The following MDGA2 variants were observed in gnomAD, a reference collection of about 807,000 sequenced individuals.
MDGA2 encodes the protein MAM domain-containing glycosylphosphatidylinositol anchor protein 2.
In MDGA2, 40 loss-of-function variants were observed where a neutral mutation model predicts 117.8. The observed-to-expected ratio is 0.34, with a 90% CI of 0.26 to 0.44. MDGA2 has a LOEUF of 0.44. MDGA2 is among the 20% of genes least tolerant of loss of function. The pLI, the probability that MDGA2 is intolerant of heterozygous loss-of-function variation, is 1.00. For missense variants in MDGA2, 1,123 were observed against 1,250.6 expected, an observed-to-expected ratio of 0.90 and a Z score of 1.54; for synonymous variants, 452 against 439.0, an observed-to-expected ratio of 1.03 and a Z score of -0.37.
chr14:47,244,330 T>G (rs1216051875), intron 2 of MDGA2, among the ~76,000 whole-genome samples: 1 of 151,854 alleles, frequency 6.6e-6, no homozygotes, highest in African/African-American at 2.4e-5. Flanking sequence ...ATAAGTTATG[T>G]ACCCTCTGGA....
chr14:47,361,516 C>T (rs191955515), intron 1 of MDGA2, among the ~76,000 whole-genome samples: 1 of 152,226 alleles, frequency 6.6e-6, no homozygotes, highest in African/African-American at 2.4e-5. Flanking sequence ...ATTTAAAACT[C>T]TTAGTGCTGT....
At chr14:47,503,453 C>T (rs1282735994) in intron 1 of MDGA2, among the ~76,000 whole-genome samples, 3 of 141,450 alleles carry the variant, frequency 2.1e-5, no homozygotes, top group Non-Finnish European at 4.5e-5. Context: ...GATGGAGTCT[C>T]GCTCTGTTGC....
At chr14:47,175,296 TTA>T (rs1421783054) in intron 3 of MDGA2, among the ~76,000 whole-genome samples, 1 of 151,868 alleles carries the variant, frequency 6.6e-6, no homozygotes, top group Non-Finnish European at 1.5e-5. Flanking sequence ...CTAACTCATT[TTA>T]TGAGGCCAGC....
intron 2 of MDGA2, among the ~76,000 whole-genome samples, chr14:47,235,474 G>A (rs1468452945): frequency 3.3e-5 from 5 of 152,122 alleles, no homozygotes; most frequent in African/African-American, 4.8e-5. Context: ...AAACCTTTCT[G>A]TTCCTCACAA....
intron 1 of MDGA2, among the ~76,000 whole-genome samples, chr14:47,630,679 T>C (rs930556737): frequency 1.3e-5 from 2 of 152,192 alleles, no homozygotes; most frequent in African/African-American, 4.8e-5. Flanking sequence ...ATTATTATAA[T>C]AGTACAAAAG....
intron 10 of MDGA2, among the ~76,000 whole-genome samples, chr14:46,887,936 A>C (rs1882734058): frequency 6.6e-6 from 1 of 151,990 alleles, no homozygotes; most frequent in African/African-American, 2.4e-5. Context: ...ATAAGTTTAA[A>C]TAAGAGTTTA....
At chr14:47,535,147 G>GA (rs529560216) in intron 1 of MDGA2, among the ~76,000 whole-genome samples, 89 of 145,874 alleles carry the variant, frequency 6.1e-4, no homozygotes, top group South Asian at 2.0e-3. Flanking sequence ...CTAACAAAAT[G>GA]AAAAAAAAAA....
In MDGA2 at chr14:47,131,704, A is replaced by C. The variant is rs373114713; in HGVS notation, c.925+10T>G. On this transcript the variant is annotated intron_variant, in intron 5 of 16. Coordinates refer to ENST00000399232, the MANE Select transcript of MDGA2 (RefSeq NM_001113498.3). ...TAAGATACATGTAACATACAGAGAT[A>C]ATTCCATACCTGTTTTATTGGACAG... The C allele has an allele frequency of 4.0e-6, 6 of 1,492,982 alleles. No individual in the cohort carries two copies. The highest frequency in any genetic ancestry group is 5.4e-6 in the Non-Finnish European group (6 of 1,102,286). 92.5% of individuals were successfully genotyped at this position (1,492,982 alleles called of 1,614,324 possible). A position where few individuals can be genotyped will look rare whatever the true frequency, so the allele number is the denominator to read the frequency against.
chr14:47,522,097 CTTATT>C (rs1181616288), intron 1 of MDGA2, among the ~76,000 whole-genome samples: 1 of 152,060 alleles, frequency 6.6e-6, no homozygotes, highest in Admixed American at 6.6e-5. Context: ...TCTATTTCTC[CTTATT>C]TTAAATACTC....
chr14:47,237,406 G>A (rs1886900081), intron 2 of MDGA2, among the ~76,000 whole-genome samples: 1 of 152,036 alleles, frequency 6.6e-6, no homozygotes, highest in South Asian at 2.1e-4. Flanking sequence ...CTGAGACAAT[G>A]CAGTAGAAAT....
At chr14:47,025,586 C>T (rs1254838439) in intron 8 of MDGA2, among the ~76,000 whole-genome samples, 1 of 151,784 alleles carries the variant, frequency 6.6e-6, no homozygotes, top group African/African-American at 2.4e-5. Context: ...TTGGCAATGT[C>T]TGGAGACAGT....
At chr14:47,102,968 G>A (rs1880428106) in intron 5 of MDGA2, among the ~76,000 whole-genome samples, 1 of 152,158 alleles carries the variant, frequency 6.6e-6, no homozygotes, top group African/African-American at 2.4e-5. Context: ...GCTACATGGA[G>A]ACAATGTGTA....
At chr14:47,481,962 C>T (rs191153505) in intron 1 of MDGA2, among the ~76,000 whole-genome samples, 1 of 152,000 alleles carries the variant, frequency 6.6e-6, no homozygotes, top group Admixed American at 6.6e-5. Context: ...TTGTTACCCC[C>T]AATTCAGTAA....
chr14:47,547,959 G>A (rs1381938299), intron 1 of MDGA2, among the ~76,000 whole-genome samples: 3 of 151,854 alleles, frequency 2.0e-5, no homozygotes, highest in South Asian at 2.1e-4. Flanking sequence ...ATATAACTAT[G>A]TTCGCCCCTC....
intron 6 of MDGA2, among the ~76,000 whole-genome samples, chr14:47,083,321 C>T (rs1594601891): frequency 6.6e-6 from 1 of 151,680 alleles, no homozygotes; most frequent in Non-Finnish European, 1.5e-5. Flanking sequence ...CTTAGAAATA[C>T]AGCTAGGGCC....
At chr14:47,366,446 G>A (rs1313658244) in intron 1 of MDGA2, among the ~76,000 whole-genome samples, 1 of 151,890 alleles carries the variant, frequency 6.6e-6, no homozygotes, top group African/African-American at 2.4e-5. Context: ...GATGAGCCAG[G>A]GTGAACTAGG....
At chr14:47,401,908 TGA>T (rs1002592742) in intron 1 of MDGA2, among the ~76,000 whole-genome samples, 2 of 152,238 alleles carry the variant, frequency 1.3e-5, no homozygotes. Context: ...GGTTGACAGA[TGA>T]GAGACAGTAA....
intron 1 of MDGA2, among the ~76,000 whole-genome samples, chr14:47,516,313 C>T (rs887469263): frequency 1.3e-5 from 2 of 152,106 alleles, no homozygotes; most frequent in Non-Finnish European, 2.9e-5. Context: ...TTACAAATGA[C>T]CTGTAGCAGA....
intron 1 of MDGA2, among the ~76,000 whole-genome samples, chr14:47,503,507 G>A (rs993041694): frequency 6.8e-6 from 1 of 147,122 alleles, no homozygotes; most frequent in African/African-American, 2.6e-5. Context: ...CTGGGTTCAC[G>A]CCATTCTCCT....
Sources: gnomAD v4.1 joint callset for allele counts (sites outside exome capture counted in the v4.1 genomes callset) on GRCh38, gnomAD v4.1.1 for gene constraint, MANE v1.5 for transcripts, NCBI Gene and HGNC (gene_info 2026-07-23, HGNC 2026-07-21) for gene names.